DHRSX: variants seen among roughly 807,000 people sequenced by gnomAD.
The protein encoded by DHRSX is dehydrogenase/reductase X-linked, also known as polyprenol dehydrogenase.
Under a neutral mutation model 34.0 loss-of-function variants are expected in DHRSX, and 31 were observed. That is an observed-to-expected ratio of 0.91 (90% CI 0.69 to 1.23). DHRSX has a LOEUF of 1.23. Among genes scored for constraint, DHRSX ranks in the 50% most tolerant of loss-of-function variants. The probability of loss-of-function intolerance (pLI) is 0.00; values close to 1 mark genes in which losing one functional copy is unlikely to be tolerated. For synonymous variants in DHRSX, 201 were observed against 183.8 expected (o/e 1.09, Z -0.76); for missense variants, 414 against 428.1 (o/e 0.97, Z 0.29).
At chrX:2,259,365 G>GAT (rs1246658058) in intron 5 of DHRSX, among the ~76,000 whole-genome samples, 2 of 106,326 alleles carry the variant, frequency 1.9e-5, no homozygotes, top group East Asian at 4.2e-4. Flanking sequence ...GATAGATATA[G>GAT]ATATATATAG....
intron 2 of DHRSX, among the ~76,000 whole-genome samples, chrX:2,419,217 G>A (rs1232923513): frequency 3.9e-5 from 6 of 152,182 alleles, no homozygotes; most frequent in Admixed American, 3.3e-4. Context: ...CACAATGAAT[G>A]GAATTAGTAC....
intron 1 of DHRSX, chrX:2,489,745 A>T: frequency 6.2e-7 from 1 of 1,613,264 alleles, no homozygotes; most frequent in South Asian, 1.1e-5. Flanking sequence ...TGGCCACGGC[A>T]GACTGCTGGA....
intron 3 of DHRSX, among the ~76,000 whole-genome samples, chrX:2,370,916 C>T (rs1159540196): frequency 6.6e-6 from 1 of 152,118 alleles, no homozygotes; most frequent in East Asian, 1.9e-4. Flanking sequence ...CATGACTGAA[C>T]CCCACATCGA....
At position 2,276,962 on chromosome X, in the gene DHRSX, GA is replaced by G. The variant is rs1379760285; in HGVS notation, c.389-10016del. Among the ~76,000 whole-genome samples the G allele has an allele frequency of 1.7e-3, 24 of 14,096 alleles. 1 individual carries two copies. Among genetic ancestry groups the G allele is most frequent in the African/African-American group, 8.5e-3 (11 of 1,298 alleles). The allele number at this position is 14,096 out of a possible 152,430, so 9.2% of individuals were successfully genotyped here. ...GGCAAACGAGAGAGGGAGAGAGAAG[GA>G]AGAGGAGGAAATGGGGGAAGAGAGA... On this transcript the variant is annotated intron_variant, in intron 4 of 6. Coordinates refer to ENST00000334651, the MANE Select transcript of DHRSX (RefSeq NM_145177.3).
chrX:2,300,111 T>C (rs1378380079), intron 3 of DHRSX, among the ~76,000 whole-genome samples: 1 of 152,202 alleles, frequency 6.6e-6, no homozygotes, highest in Non-Finnish European at 1.5e-5. Context: ...AACATCATTA[T>C]GGAATGAACT....
At chrX:2,492,283 A>T (rs2045170980) in intron 1 of DHRSX, among the ~76,000 whole-genome samples, 1 of 151,728 alleles carries the variant, frequency 6.6e-6, no homozygotes, top group Admixed American at 6.6e-5. Flanking sequence ...CAGTGTCCTT[A>T]ATAGAAGACA....
intron 1 of DHRSX, 153 bp downstream of exon 1, chrX:2,500,664 C>CACCCCA (rs2045403062): frequency 7.7e-6 from 1 of 129,836 alleles, no homozygotes; most frequent in Non-Finnish European, 1.7e-5. Flanking sequence ...GCCCCCCCCC[C>CACCCCA]ACCCCCGGCC....
chrX:2,272,076 A>AGCACAAC lies in DHRSX; in HGVS notation c.389-5136_389-5130dup, dbSNP rs1227426111. Among the ~76,000 whole-genome samples, 8 of 151,748 alleles carry AGCACAAC rather than the reference A, an allele frequency of 5.3e-5. 1 individual carries two copies. Among genetic ancestry groups the AGCACAAC allele is most frequent in the African/African-American group, 1.9e-4 (8 of 41,092 alleles). On this transcript the variant is annotated intron_variant, in intron 4 of 6. Coordinates refer to ENST00000334651, the MANE Select transcript of DHRSX (RefSeq NM_145177.3). Reference sequence around the variant, plus strand: ...ATACCTGCACCTGTCTGTTTCTTGCAGCACAACTCACAACTGCAAACATAC... The same window carrying AGCACAAC: ...ATACCTGCACCTGTCTGTTTCTTGCAGCACAACGCACAACTCACAACTGCAAACATAC...
At chrX:2,396,470 C>T (rs1054038911) in intron 3 of DHRSX, among the ~76,000 whole-genome samples, 1 of 150,322 alleles carries the variant, frequency 6.7e-6, no homozygotes, top group African/African-American at 2.4e-5. Context: ...CTCAGCCTCC[C>T]GGGTTCAAGC....
chrX:2,449,130 A>G (rs1468961638), intron 1 of DHRSX, among the ~76,000 whole-genome samples: 1 of 151,956 alleles, frequency 6.6e-6, no homozygotes, highest in Non-Finnish European at 1.5e-5. Context: ...TGGAGGTTGC[A>G]GTGAGCTAAG....
chrX:2,395,542 C>T lies in DHRSX; in HGVS notation c.286+13203G>A, dbSNP rs186753570. On this transcript the variant is annotated intron_variant, in intron 3 of 6. Coordinates refer to ENST00000334651, the MANE Select transcript of DHRSX (RefSeq NM_145177.3). ...ACCCCGGCTGCTTGGAAACATGTAG[C>T]GCCTCCTGTCATGCCCCATCGGTGA... is the stretch of plus-strand genomic sequence containing the variant. 7.4e-4 allele frequency among the ~76,000 whole-genome samples: 113 copies of T among 152,224 alleles called. 1 individual carries two copies. The East Asian group carries it at 0.018, about 25-fold the overall frequency.
intron 3 of DHRSX, among the ~76,000 whole-genome samples, chrX:2,373,017 A>C (rs2043095438): frequency 6.6e-6 from 1 of 152,182 alleles, no homozygotes; most frequent in Non-Finnish European, 1.5e-5. Context: ...GTAATTTATA[A>C]AGAAAAAGAG....
chrX:2,473,259 C>T (rs58983749), intron 1 of DHRSX, among the ~76,000 whole-genome samples: 45,187 of 151,620 alleles, frequency 0.3, 7,449 homozygotes, highest in African/African-American at 0.45. Flanking sequence ...CCAGACCACA[C>T]GGAAGGTGGA....
At chrX:2,389,785 T>A (rs1050472194) in intron 3 of DHRSX, among the ~76,000 whole-genome samples, 7 of 152,214 alleles carry the variant, frequency 4.6e-5, no homozygotes, top group East Asian at 1.9e-4. Flanking sequence ...TATTTTATTT[T>A]TTTTTTATTG....
At chrX:2,233,061 AAGAAAGAAAGAAAG>A (rs1235188118) in intron 6 of DHRSX, among the ~76,000 whole-genome samples, 1 of 4,790 alleles carries the variant, frequency 2.1e-4, no homozygotes, top group Non-Finnish European at 3.4e-4. Context: ...TGTTAAGAAA[AAGAAAGAAAGAAAG>A]AAAGAAAGAA....
chrX:2,409,254 C>G (rs1248358933), intron 2 of DHRSX, among the ~76,000 whole-genome samples: 1 of 152,152 alleles, frequency 6.6e-6, no homozygotes, highest in Non-Finnish European at 1.5e-5. Context: ...GTTCCTACTA[C>G]GTGCTCAGGA....
chrX:2,332,957 CAG>C (rs916659607), intron 3 of DHRSX, among the ~76,000 whole-genome samples: 5 of 152,104 alleles, frequency 3.3e-5, no homozygotes, highest in Admixed American at 2.6e-4. Flanking sequence ...AACTAACAAT[CAG>C]GGGGCTTGGT....
intron 3 of DHRSX, among the ~76,000 whole-genome samples, chrX:2,372,064 AC>A (rs1341578828): frequency 1.3e-5 from 2 of 151,762 alleles, no homozygotes; most frequent in Non-Finnish European, 2.9e-5. Flanking sequence ...GTGACCCCTG[AC>A]CCCTGTTCTG....
intron 3 of DHRSX, among the ~76,000 whole-genome samples, chrX:2,310,664 G>A (rs2042153258): frequency 6.6e-6 from 1 of 151,422 alleles, no homozygotes; most frequent in Admixed American, 6.6e-5. Flanking sequence ...GGTGAGAATG[G>A]GAGAGAAAGA....
Sources: gnomAD v4.1 joint callset for allele counts (sites outside exome capture counted in the v4.1 genomes callset) on GRCh38, gnomAD v4.1.1 for gene constraint, MANE v1.5 for transcripts, NCBI Gene and HGNC (gene_info 2026-07-23, HGNC 2026-07-21) for gene names.